The following SAMD12 variants were observed in gnomAD, a reference collection of about 807,000 sequenced individuals.
SAMD12 encodes the protein sterile alpha motif domain-containing protein 12.
A neutral mutation model predicts 15.0 loss-of-function variants in SAMD12; 9 were observed. The ratio of observed to expected loss-of-function variants is 0.60; its 90% CI spans 0.36 to 1.05. The LOEUF (loss-of-function observed/expected upper bound fraction) is 1.05, where lower values mean the gene tolerates loss of function less well. SAMD12 is among the 50% of genes least tolerant of loss of function. The pLI is 0.01. For missense variants in SAMD12, 230 were observed against 234.2 expected, an observed-to-expected ratio of 0.98 and a Z score of 0.12; for synonymous variants, 86 against 90.1, an observed-to-expected ratio of 0.96 and a Z score of 0.25.
intron 4 of SAMD12, among the ~76,000 whole-genome samples, chr8:118,207,377 C>T (rs1306978077): frequency 9.2e-6 from 1 of 108,182 alleles, no homozygotes. Context: ...TCAGTGATTC[C>T]ATTTTTTTTT....
At chr8:118,295,626 G>C (rs1168840137) in intron 4 of SAMD12, 1 of 150,658 alleles carries the variant, frequency 6.6e-6, no homozygotes, top group Non-Finnish European at 1.5e-5. Context: ...TAAGTGCAAT[G>C]ATAACCCCAG....
intron 2 of SAMD12, among the ~76,000 whole-genome samples, chr8:118,446,431 A>G (rs1367801411): frequency 6.6e-6 from 1 of 152,224 alleles, no homozygotes; most frequent in Non-Finnish European, 1.5e-5. Context: ...CTAAATTATG[A>G]TGAATATATC....
At chr8:118,619,048 C>A (rs151207962) in intron 1 of SAMD12, among the ~76,000 whole-genome samples, 1 of 152,096 alleles carries the variant, frequency 6.6e-6, no homozygotes, top group African/African-American at 2.4e-5. Flanking sequence ...GGCTTGGCCT[C>A]GTTATACGGG....
intron 2 of SAMD12, among the ~76,000 whole-genome samples, chr8:118,574,081 T>A (rs1294245997): frequency 3.9e-5 from 6 of 152,174 alleles, no homozygotes. Context: ...AAAGACCTCT[T>A]GGAGAAGCAC....
intron 4 of SAMD12, among the ~76,000 whole-genome samples, chr8:118,314,601 A>G (rs144125525): frequency 9.2e-5 from 14 of 152,228 alleles, no homozygotes; most frequent in African/African-American, 3.4e-4. Context: ...CATCTCTATA[A>G]TTTTGTTATT....
intron 3 of SAMD12, among the ~76,000 whole-genome samples, chr8:118,404,100 A>C (rs1252252780): frequency 6.6e-6 from 1 of 152,096 alleles, no homozygotes; most frequent in South Asian, 2.1e-4. Flanking sequence ...CTTCCATCTC[A>C]ACCTCCCAAG....
intron 4 of SAMD12, among the ~76,000 whole-genome samples, chr8:118,305,175 A>AT (rs1815272281): frequency 9.0e-6 from 1 of 111,126 alleles, no homozygotes; most frequent in African/African-American, 4.5e-5. Context: ...AAAAAAAAAA[A>AT]GTCCAGTTCA....
the SAMD12 span, among the ~76,000 whole-genome samples, chr8:118,182,166 AT>A: frequency 6.6e-6 from 1 of 152,222 alleles, no homozygotes; most frequent in East Asian, 1.9e-4. Context: ...ATAAAGAGAC[AT>A]TAAGAAATTT....
intron 2 of SAMD12, among the ~76,000 whole-genome samples, chr8:118,495,517 A>T (rs1412422848): frequency 6.6e-6 from 1 of 151,576 alleles, no homozygotes. Flanking sequence ...TTTTGATACT[A>T]CAGGAAGATA....
chr8:118,427,726 T>A, intron 3 of SAMD12, among the ~76,000 whole-genome samples: 1 of 152,244 alleles, frequency 6.6e-6, no homozygotes, highest in Non-Finnish European at 1.5e-5. Context: ...GTTATTCTAA[T>A]CTCTTTTGAA....
At chr8:118,608,144 G>A (rs141225515) in intron 1 of SAMD12, among the ~76,000 whole-genome samples, 2 of 151,814 alleles carry the variant, frequency 1.3e-5, no homozygotes, top group Admixed American at 1.3e-4. Flanking sequence ...TTTGCATCAA[G>A]AGTAGCCTTC....
intron 1 of SAMD12, among the ~76,000 whole-genome samples, chr8:118,596,615 A>T (rs887490012): frequency 1.3e-5 from 2 of 152,194 alleles, no homozygotes; most frequent in African/African-American, 2.4e-5. Context: ...TACTTTAGGC[A>T]TTGTTGATCA....
intron 4 of SAMD12, among the ~76,000 whole-genome samples, chr8:118,233,881 G>A (rs1812368445): frequency 6.6e-6 from 1 of 152,162 alleles, no homozygotes; most frequent in Non-Finnish European, 1.5e-5. Context: ...TCTCTGACGA[G>A]TCCAAAGGAT....
intron 2 of SAMD12, among the ~76,000 whole-genome samples, chr8:118,496,980 C>T (rs1205130887): frequency 6.6e-6 from 1 of 151,950 alleles, no homozygotes; most frequent in African/African-American, 2.4e-5. Context: ...ATGTTCAACA[C>T]CACTAATCAT....
intron 4 of SAMD12, among the ~76,000 whole-genome samples, chr8:118,343,965 C>T (rs1817501904): frequency 6.6e-6 from 1 of 152,160 alleles, no homozygotes; most frequent in Non-Finnish European, 1.5e-5. Context: ...GTTGTAAAGA[C>T]TGAGAATGTG....
At chr8:118,454,937 T>C (rs1823202467) in intron 2 of SAMD12, among the ~76,000 whole-genome samples, 16 of 152,144 alleles carry the variant, frequency 1.1e-4, no homozygotes, top group Admixed American at 1.0e-3. Flanking sequence ...GTCCTAGAGG[T>C]TTCTTTATGT....
chr8:118,270,364 A>C (rs1482568719), intron 4 of SAMD12, among the ~76,000 whole-genome samples: 1 of 152,096 alleles, frequency 6.6e-6, no homozygotes, highest in Non-Finnish European at 1.5e-5. Flanking sequence ...ATGTTTGTGT[A>C]TTTTTCTTTG....
chr8:118,162,748 A>G, the SAMD12 span, among the ~76,000 whole-genome samples: 4 of 152,214 alleles, frequency 2.6e-5, no homozygotes, highest in Admixed American at 1.3e-4. Context: ...AACTGCAGGC[A>G]TAGAGAATGA....
intron 2 of SAMD12, among the ~76,000 whole-genome samples, chr8:118,578,882 G>C (rs771200204): frequency 3.9e-5 from 6 of 152,140 alleles, no homozygotes; most frequent in Non-Finnish European, 8.8e-5. Flanking sequence ...CATTTGTTGG[G>C]GATGGGTGTT....
Sources: allele counts gnomAD v4.1 joint callset (sites outside exome capture counted in the v4.1 genomes callset), GRCh38; gene constraint gnomAD v4.1.1; transcripts MANE v1.5; gene names NCBI Gene and HGNC (gene_info 2026-07-23, HGNC 2026-07-21).